The following KCNA2 variants were observed in gnomAD, a reference collection of about 807,000 sequenced individuals.
KCNA2 encodes potassium voltage-gated channel subfamily A member 2.
Under a neutral mutation model 33.4 loss-of-function variants are expected in KCNA2, and 11 were observed. The ratio of observed to expected loss-of-function variants is 0.33; its 90% CI spans 0.21 to 0.55. The LOEUF (loss-of-function observed/expected upper bound fraction) is 0.55, where lower values mean the gene tolerates loss of function less well. Among genes scored for constraint, KCNA2 ranks in the 20% least tolerant of loss-of-function variants. The pLI is 0.93. For missense variants in KCNA2, 291 were observed against 621.6 expected (o/e 0.47, Z 5.66); for synonymous variants, 222 against 231.3 (o/e 0.96, Z 0.37).
At chr1:110,620,728 G>C (rs1339809089) in intron 1 of KCNA2, among the ~76,000 whole-genome samples, 1 of 152,148 alleles carries the variant, frequency 6.6e-6, no homozygotes, top group Non-Finnish European at 1.5e-5. Flanking sequence ...CATCCACATA[G>C]CTCCTGAGTT....
In KCNA2 at chr1:110,601,263, TTC is replaced by T; in HGVS notation, c.*2018_*2019del. The T allele has an allele frequency of 1.0e-6, 1 of 985,404 alleles. No individual in the cohort carries two copies. Among genetic ancestry groups the T allele is most frequent in the Non-Finnish European group, 1.2e-6 (1 of 829,918 alleles). The allele number at this position is 985,404 out of a possible 1,614,324, so 61.0% of individuals were successfully genotyped here. A position where few individuals can be genotyped will look rare whatever the true frequency, so the allele number is the denominator to read the frequency against. ...GGGACTCCATCACTTAGTCCCGGAC[TTC>T]AGACATTTCCACATAGAGGAGGCTC... On this transcript the variant is annotated 3_prime_UTR_variant, in exon 3 of 3. Transcript: ENST00000316361.
intron 1 of KCNA2, among the ~76,000 whole-genome samples, chr1:110,627,545 G>A (rs975965519): frequency 3.9e-5 from 6 of 152,048 alleles, no homozygotes; most frequent in African/African-American, 7.3e-5. Flanking sequence ...AGATCATAAC[G>A]GTTTCCAGGG....
At chr1:110,607,141 A>G (rs763417326), upstream of KCNA2, 5 of 152,152 alleles carry the variant, frequency 3.3e-5, no homozygotes, top group Non-Finnish European at 7.3e-5. Flanking sequence ...GACTCAGCCC[A>G]AGCCTGCTGC....
chr1:110,627,258 G>A (rs181936949), intron 1 of KCNA2, among the ~76,000 whole-genome samples: 3 of 152,318 alleles, frequency 2.0e-5, no homozygotes, highest in Non-Finnish European at 4.4e-5. Context: ...CAGTAAATGG[G>A]AATAATTAAA....
At chr1:110,629,733 T>C (rs1650496609) in intron 1 of KCNA2, among the ~76,000 whole-genome samples, 1 of 152,338 alleles carries the variant, frequency 6.6e-6, no homozygotes, top group Non-Finnish European at 1.5e-5. Flanking sequence ...TGTCAGTGAA[T>C]TCACTCATTA....
intron 1 of KCNA2, among the ~76,000 whole-genome samples, chr1:110,613,642 C>T (rs1295146277): frequency 2.0e-5 from 3 of 152,216 alleles, no homozygotes; most frequent in African/African-American, 7.2e-5. Context: ...TTGCACCAGT[C>T]ACTACTACCA....
chr1:110,596,317 TATAC>T lies in KCNA2; in HGVS notation c.*6962_*6965del, dbSNP rs1236537999. 1 of 451,794 alleles carries T rather than the reference TATAC, an allele frequency of 2.2e-6. No individual in the cohort carries two copies. Among genetic ancestry groups the T allele is most frequent in the Non-Finnish European group, 2.9e-6 (1 of 344,614 alleles). The allele number at this position is 451,794 out of a possible 1,614,324, so 28.0% of individuals were successfully genotyped here. Reference sequence around the variant, plus strand: ...GTATAATTCTATAATTTAAAAATAGTATACATATATACATATACTATATATATAT... The same window carrying T: ...GTATAATTCTATAATTTAAAAATAGTATATATACATATACTATATATATAT... On this transcript the variant is annotated 3_prime_UTR_variant, in exon 3 of 3. Coordinates refer to ENST00000316361, the MANE Select transcript of KCNA2 (RefSeq NM_004974.4).
In KCNA2 at chr1:110,604,049, G is replaced by C; in HGVS notation, c.734C>G (p.Pro245Arg). Residue 245 changes from proline to arginine, a missense_variant, in exon 3 of 3, where the codon CCC becomes CGC. Physicochemically the swap from Pro to Arg is moderately radical, Grantham distance 103. Around this residue, in one of 5 missense-constraint regions of KCNA2, gnomAD observed 43 missense variants for 159.4 expected, o/e 0.27. Coordinates refer to ENST00000316361, the MANE Select transcript of KCNA2 (RefSeq NM_004974.4). The surrounding 1 kb of genome is among the most constrained non-coding windows in gnomAD (Gnocchi z 7.6). ...FEFLVRFFAC[P>R]SKAGFFTNIM... ...GTTGGTGAAGAAGCCGGCTTTGCTG[G>C]GACAGGCAAAGAACCTCACCAAGAA... 1 of 1,614,136 alleles carries C rather than the reference G, an allele frequency of 6.2e-7. No homozygotes were observed. The highest frequency in any genetic ancestry group is 8.5e-7 in the Non-Finnish European group (1 of 1,180,030).
Position 110,604,847 on chromosome 1 carries a change from G to T in KCNA2, c.-65C>A. ...GCTGCCTGGTGGCAGGGAGCTCAGG[G>T]TGCTGCTACTGGCCCCAGGAAGCAC... On this transcript the variant is annotated 5_prime_UTR_variant, in exon 3 of 3. Transcript: ENST00000316361. The surrounding 1 kb of genome is among the most constrained non-coding windows in gnomAD (Gnocchi z 7.6). 6.8e-7 allele frequency: 1 copy of T among 1,469,622 alleles called. No individual in the cohort carries two copies. Among genetic ancestry groups the T allele is most frequent in the Non-Finnish European group, 9.3e-7 (1 of 1,079,588 alleles). The allele number at this position is 1,469,622 out of a possible 1,614,324, so 91.0% of individuals were successfully genotyped here.
intron 1 of KCNA2, among the ~76,000 whole-genome samples, chr1:110,615,564 G>A (rs527619540): frequency 6.6e-6 from 1 of 152,342 alleles, no homozygotes; most frequent in African/African-American, 2.4e-5. Context: ...TTTGCCACCA[G>A]ATGTTCCGCT....
rs1403478421 is a variant in KCNA2, at chr1:110,602,438, T to C, written c.*845A>G. 2.8e-5 allele frequency: 36 copies of C among 1,304,312 alleles called. No individual in the cohort carries two copies. Among genetic ancestry groups the C allele is most frequent in the Non-Finnish European group, 3.4e-5 (35 of 1,025,672 alleles). 80.8% of individuals were successfully genotyped at this position (1,304,312 alleles called of 1,614,324 possible). On this transcript the variant is annotated 3_prime_UTR_variant, in exon 3 of 3. Transcript: ENST00000316361. ...CTATTGCATCACTGGTAAATTTCAC[T>C]GCAGTGTCAGTGTAGCTGGGCCACA...
chr1:110,617,380 G>T (rs908230568), intron 1 of KCNA2, among the ~76,000 whole-genome samples: 4 of 152,202 alleles, frequency 2.6e-5, no homozygotes, highest in Admixed American at 6.5e-5. Flanking sequence ...ATGAGAGGTC[G>T]ATGGGGGAAG....
Position 110,600,463 on chromosome 1 carries a change from CAG to C in KCNA2, c.*2818_*2819del, listed in dbSNP as rs932662798. On this transcript the variant is annotated 3_prime_UTR_variant, in exon 3 of 3. Transcript: ENST00000316361. ...GTTCTGTGTAAATTCTATATCTGTG[CAG>C]AGTGTGCATTTTATATACAATTATA... 6 of 984,636 alleles carry C rather than the reference CAG, an allele frequency of 6.1e-6. No homozygotes were observed. The highest frequency in any genetic ancestry group is 3.5e-5 in the African/African-American group (2 of 57,014). The allele number at this position is 984,636 out of a possible 1,614,324, so 61.0% of individuals were successfully genotyped here.
rs1470866724 is a variant in KCNA2 at position 110,601,806 on chromosome 1, G to A, written c.*1477C>T. The A allele has an allele frequency of 1.9e-4, 234 of 1,259,210 alleles. No homozygotes were observed. Among genetic ancestry groups the A allele is most frequent in the East Asian group, 6.6e-4 (20 of 30,380 alleles). The allele number at this position is 1,259,210 out of a possible 1,614,324, so 78.0% of individuals were successfully genotyped here. A position where few individuals can be genotyped will look rare whatever the true frequency, so the allele number is the denominator to read the frequency against. ...TATATATATATATATGTGTGTGTGT[G>A]TGTGTGTGTGTGTGTGTGTGTGTAT... is the stretch of plus-strand genomic sequence containing the variant. On this transcript the variant is annotated 3_prime_UTR_variant, in exon 3 of 3. Coordinates refer to ENST00000316361, the MANE Select transcript of KCNA2 (RefSeq NM_004974.4).
chr1:110,598,678 G>A lies in KCNA2; in HGVS notation c.*4605C>T. On this transcript the variant is annotated 3_prime_UTR_variant, in exon 3 of 3. Transcript: ENST00000316361. ...GCAATCTAGAGGCACACTCCCGTGG[G>A]GCCCCTTTTAAAAGGCTAACCTCAT... is the stretch of plus-strand genomic sequence containing the variant. 1 of 985,218 alleles carries A rather than the reference G, an allele frequency of 1.0e-6. No homozygotes were observed. The highest frequency in any genetic ancestry group is 1.2e-6 in the Non-Finnish European group (1 of 829,894). The allele number at this position is 985,218 out of a possible 1,614,324, so 61.0% of individuals were successfully genotyped here. A position where few individuals can be genotyped will look rare whatever the true frequency, so the allele number is the denominator to read the frequency against.
At chr1:110,625,186 G>A (rs1283495147) in intron 1 of KCNA2, among the ~76,000 whole-genome samples, 1 of 152,200 alleles carries the variant, frequency 6.6e-6, no homozygotes, top group South Asian at 2.1e-4. Flanking sequence ...TCCCAGAGCA[G>A]TGTAAATACA....
chr1:110,607,554 C>T (rs1649714928), upstream of KCNA2: 1 of 152,112 alleles, frequency 6.6e-6, no homozygotes, highest in African/African-American at 2.4e-5. Flanking sequence ...GGCCTCAGCC[C>T]CCGCCCCGCG....
At chr1:110,611,164 T>G (rs1415478246), upstream of KCNA2, among the ~76,000 whole-genome samples, 1 of 152,192 alleles carries the variant, frequency 6.6e-6, no homozygotes, top group African/African-American at 2.4e-5. Context: ...CAAAGCCTGG[T>G]CAGTGTGGAA....
chr1:110,618,896 C>T (rs113706283), intron 1 of KCNA2, among the ~76,000 whole-genome samples: 2,833 of 152,318 alleles, frequency 0.019, 27 homozygotes, highest in Middle Eastern at 0.034. Flanking sequence ...CCCAGATGCT[C>T]TACTCTCACC....
Sources: allele counts gnomAD v4.1 joint callset (sites outside exome capture counted in the v4.1 genomes callset), GRCh38; gene constraint gnomAD v4.1.1; regional missense constraint gnomAD v4.1.1; non-coding constraint Gnocchi (gnomAD v3.1); transcripts MANE v1.5; gene names NCBI Gene and HGNC (gene_info 2026-07-23, HGNC 2026-07-21).